The following LINGO2 variants were observed in gnomAD, a reference collection of about 807,000 sequenced individuals.
LINGO2 encodes the protein leucine rich repeat and Ig domain containing 2.
A neutral mutation model predicts 30.6 loss-of-function variants in LINGO2; 14 were observed. That is an observed-to-expected ratio of 0.46 (90% CI 0.30 to 0.72). LINGO2 has a LOEUF of 0.72. LINGO2 is among the 30% of genes least tolerant of loss of function. The probability of loss-of-function intolerance (pLI) is 0.07; values close to 1 mark genes in which losing one functional copy is unlikely to be tolerated. For synonymous variants in LINGO2, 317 were observed against 288.5 expected (o/e 1.10, Z -1.00); for missense variants, 729 against 751.7 (o/e 0.97, Z 0.35).
chr9:28,789,742 G>A, the LINGO2 span, among the ~76,000 whole-genome samples: 3 of 152,200 alleles, frequency 2.0e-5, no homozygotes, highest in African/African-American at 7.2e-5. Flanking sequence ...AGAATCAAGA[G>A]AGGTGAGAAA....
chr9:28,759,389 T>C, the LINGO2 span, among the ~76,000 whole-genome samples: 6 of 151,846 alleles, frequency 4.0e-5, no homozygotes, highest in South Asian at 2.1e-4. Flanking sequence ...GTCAAGAAAA[T>C]AACCGTGGTT....
At chr9:28,882,585 A>G in the LINGO2 span, among the ~76,000 whole-genome samples, 12,882 of 152,244 alleles carry the variant, frequency 0.085, 748 homozygotes, top group East Asian at 0.25. Flanking sequence ...GAAATATTTC[A>G]GAAAATAGAT....
chr9:28,299,179 A>G (rs532637568), intron 3 of LINGO2, among the ~76,000 whole-genome samples: 17 of 152,308 alleles, frequency 1.1e-4, no homozygotes, highest in African/African-American at 4.1e-4. Context: ...CAACAGAACT[A>G]TAAGAGTACT....
the LINGO2 span, among the ~76,000 whole-genome samples, chr9:28,830,899 C>CACAA: frequency 6.6e-6 from 1 of 151,834 alleles, no homozygotes; most frequent in Non-Finnish European, 1.5e-5. Flanking sequence ...CACGCACACA[C>CACAA]ACAAACACAC....
chr9:28,514,141 T>A (rs1434352104), intron 1 of LINGO2, among the ~76,000 whole-genome samples: 1 of 152,182 alleles, frequency 6.6e-6, no homozygotes. Flanking sequence ...TCAATAAATG[T>A]GTGTCTTTTG....
chr9:28,082,365 C>A (rs898483939), intron 4 of LINGO2, among the ~76,000 whole-genome samples: 6 of 152,072 alleles, frequency 3.9e-5, no homozygotes, highest in African/African-American at 1.2e-4. Flanking sequence ...AACATGATTA[C>A]AAATTGTCAG....
chr9:28,305,420 TA>T (rs910380250), intron 3 of LINGO2, among the ~76,000 whole-genome samples: 11 of 151,988 alleles, frequency 7.2e-5, no homozygotes, highest in African/African-American at 2.4e-4. Flanking sequence ...AGAAAAATGT[TA>T]AAACTGCCTT....
Position 28,035,860 on chromosome 9 carries a change from A to C in LINGO2, c.-86-23455T>G, listed in dbSNP as rs148815793. ...TCTAGCTATGAATTGCTTTTTAAAC[A>C]AGGATGAAATGATAGCAGAACACAC... is the stretch of plus-strand genomic sequence containing the variant. On this transcript the variant is annotated intron_variant, in intron 4 of 5. Coordinates refer to ENST00000379992, the Ensembl canonical transcript of LINGO2. Among the ~76,000 whole-genome samples, 411 of 150,350 alleles carry C rather than the reference A, an allele frequency of 2.7e-3. 1 individual carries two copies. The highest frequency in any genetic ancestry group is 3.9e-3 in the Non-Finnish European group (264 of 67,740).
the LINGO2 span, among the ~76,000 whole-genome samples, chr9:28,760,915 CGTGT>C: frequency 3.6e-3 from 505 of 141,680 alleles, 6 homozygotes; most frequent in African/African-American, 9.4e-3. Flanking sequence ...TATATACGTA[CGTGT>C]GTGTGTGTGT....
At chr9:28,032,039 G>T (rs1214469101) in intron 4 of LINGO2, among the ~76,000 whole-genome samples, 1 of 144,192 alleles carries the variant, frequency 6.9e-6, no homozygotes, top group East Asian at 2.0e-4. Context: ...CAAAATGAGG[G>T]GTGGGGGGGG....
chr9:28,375,104 AC>A (rs2134593736), intron 2 of LINGO2, among the ~76,000 whole-genome samples: 2 of 51,900 alleles, frequency 3.9e-5, no homozygotes, highest in South Asian at 5.3e-4. Context: ...ACACACACAC[AC>A]ACACACACAC....
At chr9:28,102,355 A>C (rs1826443293) in intron 4 of LINGO2, among the ~76,000 whole-genome samples, 1 of 152,138 alleles carries the variant, frequency 6.6e-6, no homozygotes, top group Non-Finnish European at 1.5e-5. Context: ...TTCTGATTGA[A>C]AAACACAAAC....
At chr9:28,060,996 C>A (rs1372639730) in intron 4 of LINGO2, among the ~76,000 whole-genome samples, 1 of 151,962 alleles carries the variant, frequency 6.6e-6, no homozygotes, top group Admixed American at 6.6e-5. Flanking sequence ...GGCTTTTCTT[C>A]CTCTCCCCTG....
intron 5 of LINGO2, among the ~76,000 whole-genome samples, chr9:27,993,552 A>G (rs538415849): frequency 6.6e-6 from 1 of 152,130 alleles, no homozygotes; most frequent in Non-Finnish European, 1.5e-5. Context: ...CACATACACA[A>G]AAAAGTTCAT....
At chr9:28,472,535 A>C (rs1202606286) in intron 2 of LINGO2, among the ~76,000 whole-genome samples, 1 of 152,160 alleles carries the variant, frequency 6.6e-6, no homozygotes, top group Non-Finnish European at 1.5e-5. Context: ...ACGTTTAAAG[A>C]ATAAGTAATT....
intron 4 of LINGO2, among the ~76,000 whole-genome samples, chr9:28,220,270 T>C (rs373450754): frequency 1.3e-5 from 2 of 152,134 alleles, no homozygotes; most frequent in East Asian, 3.9e-4. Context: ...AAGAAACTGG[T>C]TGAATTTTAA....
the LINGO2 span, among the ~76,000 whole-genome samples, chr9:29,040,230 A>G: frequency 6.6e-6 from 1 of 152,118 alleles, no homozygotes; most frequent in Non-Finnish European, 1.5e-5. Context: ...AGTAGTCACT[A>G]AAATACATTT....
At chr9:28,187,524 AT>A (rs1564027145) in intron 4 of LINGO2, among the ~76,000 whole-genome samples, 5 of 151,540 alleles carry the variant, frequency 3.3e-5, no homozygotes, top group Admixed American at 6.6e-5. Flanking sequence ...GGATTCACAG[AT>A]TACTCCAAAG....
chr9:28,450,501 T>C (rs1161397570), intron 2 of LINGO2, among the ~76,000 whole-genome samples: 1 of 152,064 alleles, frequency 6.6e-6, no homozygotes, highest in African/African-American at 2.4e-5. Context: ...GTAGCATTAA[T>C]TATGAAGATT....
Sources: allele counts gnomAD v4.1 joint callset (sites outside exome capture counted in the v4.1 genomes callset), GRCh38; gene constraint gnomAD v4.1.1; transcripts MANE v1.5; gene names NCBI Gene and HGNC (gene_info 2026-07-23, HGNC 2026-07-21).